The following DCDC1 variants were observed in gnomAD, a reference collection of about 807,000 sequenced individuals.
The protein encoded by DCDC1 is doublecortin domain containing 1.
In DCDC1, 200 loss-of-function variants were observed where a neutral mutation model predicts 178.3. That is an observed-to-expected ratio of 1.12 (90% CI 1.00 to 1.26). DCDC1 has a LOEUF of 1.26. Ranked by LOEUF, DCDC1 falls within the 50% of genes most tolerant of loss-of-function variation. The pLI is 0.00. For missense variants in DCDC1, 1,983 were observed against 1,749.2 expected, an observed-to-expected ratio of 1.13 and a Z score of -2.38; for synonymous variants, 690 against 604.8, an observed-to-expected ratio of 1.14 and a Z score of -2.07.
At chr11:31,215,160 T>C (rs1379002440) in intron 9 of DCDC1, 2 of 250,960 alleles carry the variant, frequency 8.0e-6, no homozygotes, top group Non-Finnish European at 1.6e-5. Context: ...AGAAGTGCAG[T>C]GGCTCACACC....
Position 30,878,567 on chromosome 11 carries a change from G to A in DCDC1, c.*17C>T, listed in dbSNP as rs751885912. 3.8e-6 allele frequency: 6 copies of A among 1,578,298 alleles called. No homozygotes were observed. Among genetic ancestry groups the A allele is most frequent in the African/African-American group, 2.8e-5 (2 of 72,348 alleles). On this transcript the variant is annotated 3_prime_UTR_variant, in exon 38 of 39. Transcript: ENST00000684477. ...ACCAGAAAAATACAGCAGAAAATCC[G>A]ATGGTTCTGATAGGAGTTAATTGTG...
intron 8 of DCDC1, among the ~76,000 whole-genome samples, chr11:31,261,948 A>G (rs1046753558): frequency 2.0e-5 from 3 of 151,566 alleles, no homozygotes; most frequent in African/African-American, 7.3e-5. Flanking sequence ...GTGGCCTCAC[A>G]TAAATTAAAC....
chr11:31,291,963 C>G (rs1477831153), intron 6 of DCDC1, among the ~76,000 whole-genome samples: 1 of 151,930 alleles, frequency 6.6e-6, no homozygotes, highest in Non-Finnish European at 1.5e-5. Context: ...TCGAGTCTCA[C>G]AATGGCTATA....
intron 8 of DCDC1, 114 bp downstream of exon 8, chr11:31,265,393 T>C: frequency 2.2e-6 from 1 of 447,142 alleles, no homozygotes; most frequent in Non-Finnish European, 3.7e-6. Flanking sequence ...TTATCCAAGT[T>C]ATAATTAAAC....
chr11:30,883,586 T>C (rs1440299672), intron 36 of DCDC1: 3 of 280,546 alleles, frequency 1.1e-5, no homozygotes, highest in Non-Finnish European at 2.3e-5. Context: ...AAAGTGTGGA[T>C]TTCAAGCATG....
At chr11:31,262,246 A>C (rs1433779171) in intron 8 of DCDC1, among the ~76,000 whole-genome samples, 2 of 151,352 alleles carry the variant, frequency 1.3e-5, no homozygotes, top group Non-Finnish European at 2.9e-5. Flanking sequence ...CAGCCTGGGC[A>C]ACAGAGCAAG....
intron 9 of DCDC1, among the ~76,000 whole-genome samples, chr11:31,236,565 C>G (rs997091605): frequency 6.6e-6 from 1 of 151,746 alleles, no homozygotes; most frequent in Non-Finnish European, 1.5e-5. Flanking sequence ...GTTAGGCCTG[C>G]TCAAAGCATG....
At chr11:31,015,848 T>C (rs754543549) in intron 20 of DCDC1, among the ~76,000 whole-genome samples, 1 of 152,186 alleles carries the variant, frequency 6.6e-6, no homozygotes, top group Non-Finnish European at 1.5e-5. Context: ...GAGTGGAGAC[T>C]TCTGTGGTAG....
intron 9 of DCDC1, among the ~76,000 whole-genome samples, chr11:31,225,732 T>A (rs1301061026): frequency 6.6e-6 from 1 of 150,852 alleles, no homozygotes; most frequent in Non-Finnish European, 1.5e-5. Flanking sequence ...TATATCTACC[T>A]AGATACATAT....
chr11:31,245,390 A>G (rs1943482890), intron 8 of DCDC1, among the ~76,000 whole-genome samples: 2 of 151,722 alleles, frequency 1.3e-5, no homozygotes, highest in African/African-American at 4.8e-5. Flanking sequence ...CTTCTGGGTA[A>G]GTTTTAAGAA....
intron 9 of DCDC1, among the ~76,000 whole-genome samples, chr11:31,213,673 TCA>T (rs1172118250): frequency 6.7e-6 from 1 of 150,036 alleles, no homozygotes; most frequent in African/African-American, 2.5e-5. Context: ...TTAGCCGAGA[TCA>T]CGCCACTGCA....
intron 20 of DCDC1, among the ~76,000 whole-genome samples, chr11:31,006,692 A>G (rs1266683392): frequency 6.6e-6 from 1 of 152,236 alleles, no homozygotes; most frequent in African/African-American, 2.4e-5. Context: ...TCTGGAGCGT[A>G]GTAAGCACCC....
chr11:31,151,797 A>T (rs1374647771), intron 9 of DCDC1, among the ~76,000 whole-genome samples: 1 of 152,226 alleles, frequency 6.6e-6, no homozygotes, highest in African/African-American at 2.4e-5. Context: ...AAAACATCTT[A>T]AGCAGACCTA....
Position 31,103,745 on chromosome 11 carries a change from AC to A in DCDC1, c.1775del (p.Gly592ValfsTer2), listed in dbSNP as rs1466796135. 3 of 764,982 alleles carry A rather than the reference AC, an allele frequency of 3.9e-6. No homozygotes were observed. Among genetic ancestry groups the A allele is most frequent in the African/African-American group, 3.4e-5 (2 of 59,108 alleles). 47.4% of individuals were successfully genotyped at this position (764,982 alleles called of 1,614,324 possible). On this transcript the variant is annotated frameshift_variant, in exon 14 of 39. Transcript: ENST00000684477. LOFTEE classifies it high-confidence loss of function. ...AYRSPLNLAL[G>X]LTFDRVSAFA... ...ATGCACTCACTCGGTCAAAGGTCAA[AC>A]CCAAAGCAAGATTTAGTGGAGATCT... is the stretch of plus-strand genomic sequence containing the variant.
chr11:30,880,836 T>C (rs539038713), intron 37 of DCDC1, among the ~76,000 whole-genome samples: 62 of 152,212 alleles, frequency 4.1e-4, no homozygotes, highest in African/African-American at 1.3e-3. Flanking sequence ...ATTTGAAAAA[T>C]AGGAAATTAG....
At chr11:30,888,078 G>GAAAGAAAGAAAGAAAGAAAA (rs1269227171) in intron 36 of DCDC1, among the ~76,000 whole-genome samples, 6 of 97,804 alleles carry the variant, frequency 6.1e-5, no homozygotes, top group Non-Finnish European at 1.1e-4. Flanking sequence ...GAGAGAGAGA[G>GAAAGAAAGAAAGAAAGAAAA]AGAGAGAAAG....
chr11:31,207,648 G>C (rs1472552083), intron 9 of DCDC1, among the ~76,000 whole-genome samples: 3 of 152,006 alleles, frequency 2.0e-5, no homozygotes, highest in African/African-American at 7.2e-5. Flanking sequence ...TTCATATTTA[G>C]CATGCAAACA....
intron 6 of DCDC1, among the ~76,000 whole-genome samples, chr11:31,294,029 C>T (rs1317050502): frequency 6.6e-6 from 1 of 152,178 alleles, no homozygotes; most frequent in Non-Finnish European, 1.5e-5. Flanking sequence ...TCATTTCTCT[C>T]CAACTAATTG....
intron 2 of DCDC1, among the ~76,000 whole-genome samples, chr11:31,332,355 A>C (rs888669137): frequency 3.3e-5 from 5 of 152,212 alleles, no homozygotes; most frequent in African/African-American, 9.6e-5. Context: ...GGTTTTTTGA[A>C]GGGATTTTGT....
Sources: allele counts gnomAD v4.1 joint callset (sites outside exome capture counted in the v4.1 genomes callset), GRCh38; gene constraint gnomAD v4.1.1; transcripts MANE v1.5; gene names NCBI Gene and HGNC (gene_info 2026-07-23, HGNC 2026-07-21).